Variants in SLC10A7 observed in about 807,000 individuals in gnomAD.
The protein encoded by SLC10A7 is solute carrier family 10 member 7.
A neutral mutation model predicts 43.2 loss-of-function variants in SLC10A7; 29 were observed. The ratio of observed to expected loss-of-function variants is 0.67; its 90% CI spans 0.50 to 0.92. The LOEUF is 0.92. Ranked by LOEUF, SLC10A7 falls within the 40% of genes least tolerant of loss-of-function variation. The pLI, the probability that SLC10A7 is intolerant of heterozygous loss-of-function variation, is 0.00. For synonymous variants in SLC10A7, 152 were observed against 144.8 expected, an observed-to-expected ratio of 1.05 and a Z score of -0.35; for missense variants, 295 against 403.2, an observed-to-expected ratio of 0.73 and a Z score of 2.30.
chr4:146,514,084 T>C (rs150342132), intron 2 of SLC10A7: 6 of 152,260 alleles, frequency 3.9e-5, no homozygotes, highest in African/African-American at 1.4e-4. Flanking sequence ...ATTTCTCTTG[T>C]AACCCTTTAT....
At chr4:146,315,502 A>T (rs943345423) in intron 6 of SLC10A7, among the ~76,000 whole-genome samples, 5 of 152,170 alleles carry the variant, frequency 3.3e-5, no homozygotes, top group Non-Finnish European at 7.4e-5. Context: ...CCATTGAGAA[A>T]CATTGGAAGT....
At chr4:146,325,362 C>A (rs372967998) in intron 6 of SLC10A7, among the ~76,000 whole-genome samples, 5 of 152,160 alleles carry the variant, frequency 3.3e-5, no homozygotes, top group African/African-American at 1.2e-4. Context: ...AGAAATAAGA[C>A]AGCTAATTAG....
At chr4:146,266,055 A>C (rs1045277331) in intron 10 of SLC10A7, among the ~76,000 whole-genome samples, 9 of 152,180 alleles carry the variant, frequency 5.9e-5, no homozygotes, top group Non-Finnish European at 1.0e-4. Flanking sequence ...CTTGTTTTCC[A>C]TTTAAATGCT....
chr4:146,399,703 A>T (rs1279034021), intron 5 of SLC10A7, among the ~76,000 whole-genome samples: 1 of 152,204 alleles, frequency 6.6e-6, no homozygotes, highest in Non-Finnish European at 1.5e-5. Flanking sequence ...AGAGAAATCA[A>T]GGAACATTTT....
intron 4 of SLC10A7, among the ~76,000 whole-genome samples, chr4:146,461,100 G>A (rs1167495576): frequency 1.3e-5 from 2 of 151,926 alleles, no homozygotes; most frequent in East Asian, 3.9e-4. Context: ...ACAGTAACAT[G>A]ATCTGGAGAC....
chr4:146,271,370 T>C (rs1185776179), intron 10 of SLC10A7, among the ~76,000 whole-genome samples: 2 of 152,194 alleles, frequency 1.3e-5, no homozygotes, highest in Non-Finnish European at 2.9e-5. Context: ...TCCTTTCTTT[T>C]ACCTACATAT....
At chr4:146,339,232 A>G (rs1009315925) in intron 5 of SLC10A7, among the ~76,000 whole-genome samples, 12 of 152,006 alleles carry the variant, frequency 7.9e-5, no homozygotes, top group African/African-American at 2.9e-4. Context: ...AACCCAGACC[A>G]TGTCTACACA....
At chr4:146,264,459 C>CCATT (rs139509340) in intron 10 of SLC10A7, among the ~76,000 whole-genome samples, 2,866 of 152,096 alleles carry the variant, frequency 0.019, 28 homozygotes, top group Non-Finnish European at 0.021. Flanking sequence ...TATGTTCCTA[C>CCATT]CATTCATTCA....
intron 5 of SLC10A7, among the ~76,000 whole-genome samples, chr4:146,386,779 C>G (rs1266218813): frequency 2.0e-5 from 3 of 152,118 alleles, no homozygotes; most frequent in Non-Finnish European, 4.4e-5. Flanking sequence ...GTTATATGTG[C>G]CTCTTTTTAT....
chr4:146,451,114 A>G (rs576548232), intron 4 of SLC10A7, among the ~76,000 whole-genome samples: 5 of 151,734 alleles, frequency 3.3e-5, no homozygotes, highest in Admixed American at 2.6e-4. Context: ...ATGCCCTCAG[A>G]AAGAAAAGCA....
chr4:146,475,517 G>C (rs2357082), intron 4 of SLC10A7, among the ~76,000 whole-genome samples: 24,285 of 152,036 alleles, frequency 0.16, 2,572 homozygotes, highest in East Asian at 0.43. Context: ...TGCCTTCCAC[G>C]ATTGCCCTTC....
At chr4:146,442,700 C>T in intron 5 of SLC10A7, 83 bp downstream of exon 5, 1 of 1,564,500 alleles carries the variant, frequency 6.4e-7, no homozygotes. Flanking sequence ...AAGAGTAAAA[C>T]AAATCCAGCT....
At chr4:146,362,497 A>G (rs1394232537) in intron 5 of SLC10A7, among the ~76,000 whole-genome samples, 3 of 152,184 alleles carry the variant, frequency 2.0e-5, no homozygotes, top group African/African-American at 7.2e-5. Flanking sequence ...TACTATATAC[A>G]GCAAAATTAT....
chr4:146,465,611 A>G (rs1435012311), intron 4 of SLC10A7, among the ~76,000 whole-genome samples: 1 of 152,164 alleles, frequency 6.6e-6, no homozygotes, highest in African/African-American at 2.4e-5. Flanking sequence ...TGAAGCCTTC[A>G]TGGAAAAGCA....
chr4:146,392,290 G>C (rs1453317612), intron 5 of SLC10A7, among the ~76,000 whole-genome samples: 2 of 152,054 alleles, frequency 1.3e-5, no homozygotes, highest in African/African-American at 4.8e-5. Flanking sequence ...ATACCATACA[G>C]ACTAAAAGGA....
At chr4:146,475,503 T>C (rs1733941198) in intron 4 of SLC10A7, among the ~76,000 whole-genome samples, 1 of 152,200 alleles carries the variant, frequency 6.6e-6, no homozygotes, top group African/African-American at 2.4e-5. Context: ...TCCCCAAACA[T>C]CCTTGCCTTC....
At chr4:146,332,112 C>T (rs536319870) in intron 5 of SLC10A7, among the ~76,000 whole-genome samples, 1 of 152,278 alleles carries the variant, frequency 6.6e-6, no homozygotes, top group East Asian at 1.9e-4. Flanking sequence ...TCTCCTCTGA[C>T]TATACTTTCC....
At chr4:146,394,545 A>G (rs1738673312) in intron 5 of SLC10A7, among the ~76,000 whole-genome samples, 1 of 152,070 alleles carries the variant, frequency 6.6e-6, no homozygotes, top group South Asian at 2.1e-4. Flanking sequence ...GTATTTTAGT[A>G]GAGATGGGGT....
At chr4:146,429,077 G>A (rs1032317306) in intron 5 of SLC10A7, among the ~76,000 whole-genome samples, 3 of 152,092 alleles carry the variant, frequency 2.0e-5, no homozygotes, top group Admixed American at 2.0e-4. Flanking sequence ...TAGATGTGGG[G>A]ATGAATTTCC....
Sources: gnomAD v4.1 joint callset for allele counts (sites outside exome capture counted in the v4.1 genomes callset) on GRCh38, gnomAD v4.1.1 for gene constraint, MANE v1.5 for transcripts, NCBI Gene and HGNC (gene_info 2026-07-23, HGNC 2026-07-21) for gene names.